Variants in NALF1 observed in about 807,000 individuals in gnomAD.
NALF1 encodes NALCN channel auxiliary factor 1, also known as family with sequence similarity 155 member A.
NALF1 carries 3 observed loss-of-function variants against 48.4 expected under a neutral mutation model. That is an observed-to-expected ratio of 0.06 (90% CI 0.03 to 0.16). The LOEUF (loss-of-function observed/expected upper bound fraction) is 0.16. Ranked by LOEUF, NALF1 falls within the 10% of genes least tolerant of loss-of-function variation. The pLI is 1.00. For missense variants in NALF1, 526 were observed against 571.5 expected (o/e 0.92, Z 0.81); for synonymous variants, 262 against 245.7 (o/e 1.07, Z -0.62).
intron 1 of NALF1, among the ~76,000 whole-genome samples, chr13:107,566,168 G>A (rs941938462): frequency 1.3e-5 from 2 of 152,162 alleles, no homozygotes; most frequent in Non-Finnish European, 2.9e-5. Context: ...CAATGATAGG[G>A]AGGCTTTTAT....
At chr13:107,801,637 C>T (rs530676501) in intron 1 of NALF1, among the ~76,000 whole-genome samples, 1 of 152,232 alleles carries the variant, frequency 6.6e-6, no homozygotes, top group Admixed American at 6.5e-5. Flanking sequence ...AGAATCCTGT[C>T]GGGGCCAACT....
chr13:107,660,436 A>AC (rs1880698629), intron 1 of NALF1, among the ~76,000 whole-genome samples: 3 of 93,684 alleles, frequency 3.2e-5, no homozygotes, highest in East Asian at 2.5e-4. Context: ...CTGTCTCAAA[A>AC]ACACACACAC....
chr13:107,755,160 C>T (rs1006036540), intron 1 of NALF1, among the ~76,000 whole-genome samples: 2 of 152,080 alleles, frequency 1.3e-5, no homozygotes, highest in Non-Finnish European at 2.9e-5. Flanking sequence ...GATTACTTTG[C>T]TATGGGCTCA....
intron 1 of NALF1, among the ~76,000 whole-genome samples, chr13:107,235,616 A>G (rs1309134662): frequency 6.6e-6 from 1 of 152,242 alleles, no homozygotes; most frequent in Non-Finnish European, 1.5e-5. Flanking sequence ...ATGACAAGAG[A>G]AAAGTCCGTA....
chr13:107,310,189 C>T (rs1363387190), intron 1 of NALF1, among the ~76,000 whole-genome samples: 1 of 152,080 alleles, frequency 6.6e-6, no homozygotes, highest in South Asian at 2.1e-4. Flanking sequence ...GAAGGCGGAT[C>T]ACTTGAGGTC....
At chr13:107,274,311 C>T (rs1392103297) in intron 1 of NALF1, among the ~76,000 whole-genome samples, 4 of 152,136 alleles carry the variant, frequency 2.6e-5, no homozygotes, top group Admixed American at 2.0e-4. Flanking sequence ...TGGCTCACAC[C>T]TGTAATCTCA....
chr13:107,765,832 G>A (rs1485531031), intron 1 of NALF1, among the ~76,000 whole-genome samples: 2 of 151,946 alleles, frequency 1.3e-5, no homozygotes, highest in Non-Finnish European at 2.9e-5. Flanking sequence ...GATTCTGAAG[G>A]GAATAAAGTA....
chr13:107,794,615 C>T (rs1878357690), intron 1 of NALF1, among the ~76,000 whole-genome samples: 1 of 148,780 alleles, frequency 6.7e-6, no homozygotes, highest in African/African-American at 2.5e-5. Context: ...CCAGTTTCTA[C>T]AAGTATTCTT....
At chr13:107,811,813 C>A (rs1013117461) in intron 1 of NALF1, among the ~76,000 whole-genome samples, 1 of 152,052 alleles carries the variant, frequency 6.6e-6, no homozygotes, top group Non-Finnish European at 1.5e-5. Context: ...GACATTAATC[C>A]CTTTATAAGG....
chr13:107,428,588 A>G (rs1884321485), intron 1 of NALF1, among the ~76,000 whole-genome samples: 1 of 151,988 alleles, frequency 6.6e-6, no homozygotes, highest in Admixed American at 6.6e-5. Context: ...GTGCCAAGCA[A>G]CAGAACAATA....
intron 1 of NALF1, among the ~76,000 whole-genome samples, chr13:107,387,249 A>T (rs1270845070): frequency 6.6e-6 from 1 of 151,458 alleles, no homozygotes; most frequent in Non-Finnish European, 1.5e-5. Context: ...GATGTTTCGC[A>T]AATCTATATT....
chr13:107,703,363 G>GTT (rs55884420), intron 1 of NALF1, among the ~76,000 whole-genome samples: 7 of 112,010 alleles, frequency 6.2e-5, no homozygotes, highest in African/African-American at 2.0e-4. Context: ...CATTTGCTTA[G>GTT]TTTTTTTTTT....
chr13:107,440,610 G>A (rs779810983), intron 1 of NALF1, among the ~76,000 whole-genome samples: 11 of 152,136 alleles, frequency 7.2e-5, no homozygotes, highest in African/African-American at 2.4e-4. Context: ...AGCCTAATGC[G>A]TGGAGGAGAG....
intron 1 of NALF1, among the ~76,000 whole-genome samples, chr13:107,532,395 T>C (rs1594114087): frequency 6.6e-6 from 1 of 152,120 alleles, no homozygotes; most frequent in Non-Finnish European, 1.5e-5. Context: ...CCTTTCTCTA[T>C]GAAGAAAAAT....
intron 1 of NALF1, among the ~76,000 whole-genome samples, chr13:107,308,640 A>C (rs754987657): frequency 3.9e-5 from 6 of 152,240 alleles, no homozygotes; most frequent in Admixed American, 6.5e-5. Context: ...CTAAAAATTA[A>C]TGGATAAAAG....
At chr13:107,647,746 A>G (rs1880349944) in intron 1 of NALF1, among the ~76,000 whole-genome samples, 1 of 152,118 alleles carries the variant, frequency 6.6e-6, no homozygotes, top group African/African-American at 2.4e-5. Flanking sequence ...ATAATTAAGG[A>G]ATATTTATAT....
At chr13:107,575,407 CTT>C (rs1878110880) in intron 1 of NALF1, among the ~76,000 whole-genome samples, 1 of 152,162 alleles carries the variant, frequency 6.6e-6, no homozygotes, top group Admixed American at 6.5e-5. Flanking sequence ...CAGAAAGGCT[CTT>C]GTCTCTCCAG....
At chr13:107,752,156 T>C (rs1391147955) in intron 1 of NALF1, among the ~76,000 whole-genome samples, 1 of 152,090 alleles carries the variant, frequency 6.6e-6, no homozygotes, top group Non-Finnish European at 1.5e-5. Flanking sequence ...TTGAATGATA[T>C]ATCCATTACA....
chr13:107,256,083 A>C (rs551746774), intron 1 of NALF1, among the ~76,000 whole-genome samples: 1 of 152,322 alleles, frequency 6.6e-6, no homozygotes, highest in East Asian at 1.9e-4. Context: ...CCCATTTTTA[A>C]ATTTTAATGA....
Sources: gnomAD v4.1 joint callset for allele counts (sites outside exome capture counted in the v4.1 genomes callset) on GRCh38, gnomAD v4.1.1 for gene constraint, MANE v1.5 for transcripts, NCBI Gene and HGNC (gene_info 2026-07-23, HGNC 2026-07-21) for gene names.